ADAMTS19: variants seen among roughly 807,000 people sequenced by gnomAD.
ADAMTS19 encodes A disintegrin and metalloproteinase with thrombospondin motifs 19.
ADAMTS19 carries 93 observed loss-of-function variants against 153.3 expected under a neutral mutation model. The ratio of observed to expected loss-of-function variants is 0.61; its 90% CI spans 0.51 to 0.72. The LOEUF (loss-of-function observed/expected upper bound fraction) is 0.72. ADAMTS19 is among the 30% of genes least tolerant of loss of function. ADAMTS19 has a pLI of 0.00. For missense variants in ADAMTS19, 1,482 were observed against 1,552.1 expected (o/e 0.95, Z 0.76); for synonymous variants, 600 against 556.6 (o/e 1.08, Z -1.10).
At chr5:129,620,509 GC>G (rs1751731396) in intron 8 of ADAMTS19, 108 bp from the exon 9 acceptor site, 1 of 743,004 alleles carries the variant, frequency 1.3e-6, no homozygotes, top group Non-Finnish European at 1.9e-6. Flanking sequence ...AACAAATTTG[GC>G]CCCCAGTATT....
chr5:129,650,421 AC>A (rs555802099), intron 13 of ADAMTS19, among the ~76,000 whole-genome samples: 2 of 152,146 alleles, frequency 1.3e-5, no homozygotes, highest in South Asian at 4.1e-4. Context: ...TCACAGTAGC[AC>A]CTACATACAA....
intron 8 of ADAMTS19, among the ~76,000 whole-genome samples, chr5:129,614,965 A>C (rs985799801): frequency 6.6e-6 from 1 of 152,168 alleles, no homozygotes; most frequent in Non-Finnish European, 1.5e-5. Context: ...AATACCTAGG[A>C]ATCCAACTTA....
At chr5:129,684,313 T>C (rs1354005136) in intron 18 of ADAMTS19, 40 bp downstream of exon 18, 2 of 1,603,878 alleles carry the variant, frequency 1.2e-6, no homozygotes, top group Non-Finnish European at 1.7e-6. Flanking sequence ...AAAACATCAG[T>C]TGTTTTCTGA....
chr5:129,510,854 G>GATAT (rs1313623480), intron 3 of ADAMTS19, among the ~76,000 whole-genome samples: 3 of 129,854 alleles, frequency 2.3e-5, no homozygotes, highest in Non-Finnish European at 4.9e-5. Context: ...TAAAGTTTCT[G>GATAT]AGATATATAT....
chr5:129,650,950 TAATA>T (rs1288516811), intron 13 of ADAMTS19, among the ~76,000 whole-genome samples: 2 of 152,270 alleles, frequency 1.3e-5, no homozygotes, highest in Non-Finnish European at 2.9e-5. Flanking sequence ...AAACAAAACC[TAATA>T]AATAGTTTCC....
chr5:129,678,469 C>CAT (rs1561644197), intron 16 of ADAMTS19, among the ~76,000 whole-genome samples: 1 of 151,992 alleles, frequency 6.6e-6, no homozygotes, highest in Non-Finnish European at 1.5e-5. Context: ...AGACAGAGAA[C>CAT]ATATACATGT....
chr5:129,647,648 CCATGTTTGTGGCTCTAGTAGA>C, intron 11 of ADAMTS19, 96 bp from the exon 12 acceptor site: 1 of 1,226,798 alleles, frequency 8.2e-7, no homozygotes, highest in Non-Finnish European at 1.1e-6. Flanking sequence ...TCCTAATTCC[CCATGTTTGTGGCTCTAGTAGA>C]CCTGATTTAA....
chr5:129,680,586 G>A (rs192719297), intron 17 of ADAMTS19, among the ~76,000 whole-genome samples: 49 of 151,896 alleles, frequency 3.2e-4, no homozygotes, highest in Non-Finnish European at 6.0e-4. Flanking sequence ...CTGAAACTCC[G>A]TCTCTACTAA....
chr5:129,605,532 T>A (rs1750851113), intron 8 of ADAMTS19, among the ~76,000 whole-genome samples: 1 of 152,220 alleles, frequency 6.6e-6, no homozygotes, highest in Non-Finnish European at 1.5e-5. Flanking sequence ...ATAACATTTC[T>A]TAAAATTGTA....
intron 15 of ADAMTS19, 35 bp downstream of exon 15, chr5:129,658,772 C>A (rs1753703116): frequency 6.4e-7 from 1 of 1,569,566 alleles, no homozygotes; most frequent in Non-Finnish European, 8.6e-7. Context: ...AATATTAATC[C>A]CTGCAATCTT....
chr5:129,647,840 C>T lies in ADAMTS19; in HGVS notation c.1948C>T (p.Pro650Ser). Residue 650 changes from proline to serine, a missense_variant, in exon 12 of 23, where the codon CCT becomes TCT. Pro to Ser is a moderately conservative substitution (Grantham distance 74). Coordinates refer to ENST00000274487, the MANE Select transcript of ADAMTS19 (RefSeq NM_133638.6). ...HLAGEWSLWS[P>S]CSRTCSAGIS... ...GGCCGGAGAGTGGAGCCTGTGGAGT[C>T]CTTGTAGCCGAACCTGCAGTGCTGG... 1 of 1,614,016 alleles carries T rather than the reference C, an allele frequency of 6.2e-7. No individual in the cohort carries two copies. Among genetic ancestry groups the T allele is most frequent in the Non-Finnish European group, 8.5e-7 (1 of 1,179,978 alleles).
chr5:129,479,185 G>A (rs1750329190), intron 2 of ADAMTS19, among the ~76,000 whole-genome samples: 1 of 152,080 alleles, frequency 6.6e-6, no homozygotes, highest in Non-Finnish European at 1.5e-5. Context: ...AAGATACTTT[G>A]TTGCTTCAGT....
rs1387700488 is a variant in ADAMTS19, at chr5:129,461,514, C to T, written c.504C>T (p.Gly168=). The T allele has an allele frequency of 2.6e-6, 4 of 1,517,400 alleles. No individual in the cohort carries two copies. The highest frequency in any genetic ancestry group is 1.8e-4 in the Middle Eastern group (1 of 5,470). The allele number at this position is 1,517,400 out of a possible 1,614,324, so 94.0% of individuals were successfully genotyped here. A position where few individuals can be genotyped will look rare whatever the true frequency, so the allele number is the denominator to read the frequency against. ...CGGCCCAGCATGCCGAGCCGGATGG[C>T]GACGAAGTGTTGCTGCGGATCCCGG... ...PPPAQHAEPD[G]DEVLLRIPAF... The change falls in exon 2 of 23, where the codon GGC becomes GGT. Residue 168 remains glycine, a synonymous_variant. Coordinates refer to ENST00000274487, the MANE Select transcript of ADAMTS19 (RefSeq NM_133638.6). The surrounding 1 kb of genome is among the most constrained non-coding windows in gnomAD (Gnocchi z 4.6).
At chr5:129,512,721 T>C (rs1020970023) in intron 3 of ADAMTS19, among the ~76,000 whole-genome samples, 43 of 151,882 alleles carry the variant, frequency 2.8e-4, no homozygotes, top group Admixed American at 1.3e-4. Flanking sequence ...CTTTTCTAAC[T>C]CTCTCTTACC....
intron 6 of ADAMTS19, among the ~76,000 whole-genome samples, chr5:129,536,608 C>T (rs1408310132): frequency 6.6e-6 from 1 of 152,166 alleles, no homozygotes; most frequent in African/African-American, 2.4e-5. Flanking sequence ...AAGACACATG[C>T]ACATGTATGT....
intron 22 of ADAMTS19, among the ~76,000 whole-genome samples, 162 bp from the exon 23 acceptor site, chr5:129,736,905 G>A (rs953373261): frequency 6.6e-6 from 1 of 152,132 alleles, no homozygotes; most frequent in South Asian, 2.1e-4. Flanking sequence ...ATCATAGGAG[G>A]TGTGTATGTG....
At chr5:129,586,340 G>A (rs530081351) in intron 7 of ADAMTS19, among the ~76,000 whole-genome samples, 9 of 151,954 alleles carry the variant, frequency 5.9e-5, no homozygotes, top group Non-Finnish European at 7.4e-5. Context: ...TCCTTCTTCC[G>A]CTCTTAATCC....
At chr5:129,470,795 C>A in intron 2 of ADAMTS19, among the ~76,000 whole-genome samples, 1 of 152,238 alleles carries the variant, frequency 6.6e-6, no homozygotes, top group East Asian at 1.9e-4. Context: ...CTGGTGAGCC[C>A]AGGCCAGTTT....
rs547020290 is a variant in ADAMTS19 at position 129,626,433 on chromosome 5, A to C, written c.1770+4085A>C. Among the ~76,000 whole-genome samples the C allele has an allele frequency of 8.7e-4, 133 of 152,198 alleles. 1 individual carries two copies. Among genetic ancestry groups the C allele is most frequent in the African/African-American group, 3.2e-3 (131 of 41,548 alleles). ...ACAGATTTTTTCCTTGATCTCTGAA[A>C]ATATGATTGTTTATTTAGGTTTTTT... On this transcript the variant is annotated intron_variant, in intron 10 of 22. Coordinates refer to ENST00000274487, the MANE Select transcript of ADAMTS19 (RefSeq NM_133638.6).
Sources: allele counts gnomAD v4.1 joint callset (sites outside exome capture counted in the v4.1 genomes callset), GRCh38; gene constraint gnomAD v4.1.1; non-coding constraint Gnocchi (gnomAD v3.1); transcripts MANE v1.5; gene names NCBI Gene and HGNC (gene_info 2026-07-23, HGNC 2026-07-21).